Variants in ATP2C1 observed in about 807,000 individuals in gnomAD.
The protein encoded by ATP2C1 is calcium-transporting ATPase type 2C member 1.
In ATP2C1, 31 loss-of-function variants were observed where a neutral mutation model predicts 120.5. That is an observed-to-expected ratio of 0.26 (90% confidence interval 0.19 to 0.35). The LOEUF is 0.35. Ranked by LOEUF, ATP2C1 falls within the 10% of genes least tolerant of loss-of-function variation. ATP2C1 has a pLI of 1.00. For synonymous variants in ATP2C1, 351 were observed against 358.7 expected, an observed-to-expected ratio of 0.98 and a Z score of 0.24; for missense variants, 731 against 1,107.5, an observed-to-expected ratio of 0.66 and a Z score of 4.83.
chr3:130,862,099 G>A (rs553884370), intron 1 of ATP2C1, among the ~76,000 whole-genome samples: 15 of 150,896 alleles, frequency 9.9e-5, no homozygotes, highest in South Asian at 4.2e-4. Flanking sequence ...TCAGCCTCCC[G>A]AGTAGCTGGG....
At chr3:130,918,952 A>C in intron 2 of ATP2C1, 1 of 367,760 alleles carries the variant, frequency 2.7e-6, no homozygotes, top group South Asian at 2.1e-5. Context: ...AGATCGCGCC[A>C]CTGCACTCCA....
chr3:130,990,285 C>CA (rs1364402547), intron 20 of ATP2C1, among the ~76,000 whole-genome samples: 36 of 114,064 alleles, frequency 3.2e-4, no homozygotes, highest in African/African-American at 1.1e-3. Context: ...CCCCCCCCCA[C>CA]AAAAAAAGGC....
At chr3:130,907,117 A>G (rs2058165369) in intron 2 of ATP2C1, among the ~76,000 whole-genome samples, 1 of 151,894 alleles carries the variant, frequency 6.6e-6, no homozygotes, top group African/African-American at 2.4e-5. Context: ...TTTATTCTGG[A>G]TACTGGATAG....
chr3:131,002,186 G>C lies in ATP2C1; in HGVS notation c.*836G>C. 1 of 974,098 alleles carries C rather than the reference G, an allele frequency of 1.0e-6. No individual in the cohort carries two copies. Among genetic ancestry groups the C allele is most frequent in the Non-Finnish European group, 1.2e-6 (1 of 819,812 alleles). The allele number at this position is 974,098 out of a possible 1,614,324, so 60.3% of individuals were successfully genotyped here. On this transcript the variant is annotated 3_prime_UTR_variant, in exon 28 of 28. Transcript: ENST00000510168. ...ATTATATTAACATGTCTTCCTTTTT[G>C]AGGTAAAGATATATACTTTGTCAAA... is the stretch of plus-strand genomic sequence containing the variant.
intron 17 of ATP2C1, among the ~76,000 whole-genome samples, chr3:130,973,679 T>C (rs895092810): frequency 3.3e-5 from 5 of 152,180 alleles, no homozygotes; most frequent in Non-Finnish European, 1.5e-5. Flanking sequence ...GAATTTTCTA[T>C]TTAATATTTT....
intron 2 of ATP2C1, chr3:130,914,529 CAAT>C (rs1409782889): frequency 6.6e-6 from 1 of 152,082 alleles, no homozygotes; most frequent in Non-Finnish European, 1.5e-5. Flanking sequence ...ACTTTGTGTT[CAAT>C]AATATCATTC....
At chr3:130,853,395 T>C (rs1197475034) in intron 1 of ATP2C1, among the ~76,000 whole-genome samples, 1 of 152,214 alleles carries the variant, frequency 6.6e-6, no homozygotes, top group Non-Finnish European at 1.5e-5. Context: ...TCAGTGTTAT[T>C]GAATGTAGTG....
At chr3:130,898,630 T>C (rs777832367) in intron 2 of ATP2C1, among the ~76,000 whole-genome samples, 9 of 152,186 alleles carry the variant, frequency 5.9e-5, no homozygotes, top group Non-Finnish European at 1.2e-4. Context: ...TAGAGAGTAC[T>C]TGTATGCAAT....
At position 130,990,372 on chromosome 3, in the gene ATP2C1, A is replaced by G. The variant is rs145130833; in HGVS notation, c.1840-2579A>G. 5.7e-3 allele frequency among the ~76,000 whole-genome samples: 849 copies of G among 149,506 alleles called. 12 individuals carry two copies. The highest frequency in any genetic ancestry group is 0.02 in the African/African-American group (805 of 40,984). On this transcript the variant is annotated intron_variant, in intron 20 of 27. Coordinates refer to ENST00000510168, the MANE Select transcript of ATP2C1 (RefSeq NM_001378687.1). ...GGGAGGGCCTCACTGAGAAGGTACT[A>G]TTTGACAGAAGAGGGACCCATGTTA...
chr3:130,865,004 G>A lies in ATP2C1; in HGVS notation c.108+14076G>A, dbSNP rs181542172. Among the ~76,000 whole-genome samples, 815 of 152,206 alleles carry A rather than the reference G, an allele frequency of 5.4e-3. 5 individuals are homozygous for A. Among genetic ancestry groups the A allele is most frequent in the Admixed American group, 0.014 (215 of 15,292 alleles). ...CAGACCCCAGAATGGTAGATCCACC[G>A]ACAGCTTGCACCGTGCTCCTAGAAA... On this transcript the variant is annotated intron_variant, in intron 1 of 26. Coordinates refer to the ATP2C1 transcript ENST00000504381.
intron 7 of ATP2C1, among the ~76,000 whole-genome samples, chr3:130,941,193 C>T (rs774602385): frequency 6.7e-6 from 1 of 150,290 alleles, no homozygotes; most frequent in Admixed American, 6.6e-5. Context: ...GGATTACAGG[C>T]GTGAGCCACC....
At chr3:130,970,796 G>A (rs1414561566) in intron 17 of ATP2C1, among the ~76,000 whole-genome samples, 1 of 151,860 alleles carries the variant, frequency 6.6e-6, no homozygotes, top group Non-Finnish European at 1.5e-5. Flanking sequence ...CTATGATTAC[G>A]TCTCTATAGA....
chr3:130,997,703 G>A lies in ATP2C1; in HGVS notation c.2341G>A (p.Val781Ile), dbSNP rs755938107. The change falls in exon 25 of 28, where the codon GTT (valine) becomes ATT (isoleucine). Residue 781 changes from valine (V) to isoleucine (I), a missense_variant. Physicochemically the swap from Val to Ile is conservative, Grantham distance 29. Coordinates refer to ENST00000510168, the MANE Select transcript of ATP2C1 (RefSeq NM_001378687.1). ...TAAAAACTTGATACTTAAAATACTT[G>A]TTTCATCAATAATCATTGTTTGTGG... is the stretch of plus-strand genomic sequence containing the variant. ...LTKNLILKIL[V>I]SSIIIVCGTL... 5 of 1,613,700 alleles carry A rather than the reference G, an allele frequency of 3.1e-6. No homozygotes were observed. The South Asian group carries it at 5.5e-5, about 18-fold the overall frequency.
chr3:130,925,135 GTGTTAAAGAACCT>G (rs1165645588), intron 2 of ATP2C1, among the ~76,000 whole-genome samples: 1 of 152,104 alleles, frequency 6.6e-6, no homozygotes, highest in African/African-American at 2.4e-5. Context: ...TCTTTTGGTG[GTGTTAAAGAACCT>G]TGTTTTGTCA....
chr3:130,874,707 T>C (rs981483914), intron 1 of ATP2C1, among the ~76,000 whole-genome samples: 1 of 152,218 alleles, frequency 6.6e-6, no homozygotes, highest in Non-Finnish European at 1.5e-5. Context: ...TTCGAGTCAC[T>C]ACTTTGCCAT....
intron 1 of ATP2C1, among the ~76,000 whole-genome samples, chr3:130,885,200 C>G (rs1016522416): frequency 6.6e-6 from 1 of 152,072 alleles, no homozygotes; most frequent in Non-Finnish European, 1.5e-5. Context: ...TCCCAAAGTG[C>G]TGGGATTACA....
intron 1 of ATP2C1, among the ~76,000 whole-genome samples, chr3:130,860,506 A>G (rs1482137634): frequency 6.6e-6 from 1 of 152,266 alleles, no homozygotes; most frequent in Non-Finnish European, 1.5e-5. Flanking sequence ...GGCACTTGAC[A>G]AGGTGCTTTA....
intron 20 of ATP2C1, among the ~76,000 whole-genome samples, chr3:130,986,728 A>C (rs1017382674): frequency 1.3e-5 from 2 of 152,088 alleles, no homozygotes; most frequent in Admixed American, 1.3e-4. Flanking sequence ...CTTTTCTCCA[A>C]ATATTATTAG....
chr3:130,926,396 A>G (rs2059208078), intron 2 of ATP2C1, among the ~76,000 whole-genome samples: 1 of 152,258 alleles, frequency 6.6e-6, no homozygotes, highest in South Asian at 2.1e-4. Context: ...CAATGAGGAG[A>G]TAAAGGTTTT....
Sources: gnomAD v4.1 joint callset for allele counts (sites outside exome capture counted in the v4.1 genomes callset) on GRCh38, gnomAD v4.1.1 for gene constraint, MANE v1.5 for transcripts, NCBI Gene and HGNC (gene_info 2026-07-23, HGNC 2026-07-21) for gene names.